Variants in HEATR4 observed in about 807,000 individuals in gnomAD.
HEATR4 encodes the protein HEAT repeat-containing protein 4.
Under a neutral mutation model 108.8 loss-of-function variants are expected in HEATR4, and 95 were observed. The ratio of observed to expected loss-of-function variants is 0.87; its 90% CI spans 0.74 to 1.04. HEATR4 has a LOEUF of 1.04. Among genes scored for constraint, HEATR4 ranks in the 50% least tolerant of loss-of-function variants. The pLI, the probability that HEATR4 is intolerant of heterozygous loss-of-function variation, is 0.00. For synonymous variants in HEATR4, 443 were observed against 459.4 expected (o/e 0.96, Z 0.46); for missense variants, 1,152 against 1,253.8 (o/e 0.92, Z 1.23).
At chr14:73,595,100 TG>T in the HEATR4 span, 1 of 1,614,168 alleles carries the variant, frequency 6.2e-7, no homozygotes, top group Non-Finnish European at 8.5e-7. Flanking sequence ...AGCTGATATT[TG>T]TCTCTCAATG....
At chr14:73,593,336 C>CTTTTTT in the HEATR4 span, among the ~76,000 whole-genome samples, 52 of 104,840 alleles carry the variant, frequency 5.0e-4, no homozygotes, top group East Asian at 1.1e-3. Context: ...TTCTTTCTTT[C>CTTTTTT]TTTTTTTTTT....
intron 17 of HEATR4, chr14:73,491,855 C>G (rs1322075686): frequency 6.2e-7 from 1 of 1,610,082 alleles, no homozygotes; most frequent in Non-Finnish European, 8.5e-7. Context: ...CCCACCCGGC[C>G]GCGCGCTGCC....
the HEATR4 span, among the ~76,000 whole-genome samples, chr14:73,614,959 TGGTGGTG>T: frequency 6.7e-6 from 1 of 148,388 alleles, no homozygotes; most frequent in African/African-American, 2.5e-5. Flanking sequence ...TAGCCGGGCA[TGGTGGTG>T]GGTGCCTGTA....
the HEATR4 span, among the ~76,000 whole-genome samples, chr14:73,578,229 A>G: frequency 1.0e-5 from 1 of 98,858 alleles, no homozygotes; most frequent in East Asian, 4.1e-4. Flanking sequence ...TTGACATTTC[A>G]TCTTTTTTTT....
intron 3 of HEATR4, among the ~76,000 whole-genome samples, chr14:73,521,572 A>G (rs542788163): frequency 4.6e-5 from 7 of 152,374 alleles, no homozygotes; most frequent in African/African-American, 1.7e-4. Context: ...ATGAATAAAT[A>G]AATGGATTTC....
the HEATR4 span, chr14:73,571,034 G>A: frequency 6.7e-6 from 1 of 148,474 alleles, no homozygotes; most frequent in Non-Finnish European, 1.5e-5. Flanking sequence ...TTCCATGGCA[G>A]CTAGGAGGTG....
chr14:73,525,571 A>G (rs148930107), intron 2 of HEATR4, among the ~76,000 whole-genome samples: 1 of 152,308 alleles, frequency 6.6e-6, no homozygotes, highest in East Asian at 1.9e-4. Flanking sequence ...GGCTGAAAAT[A>G]GAAAGGCTAG....
intron 2 of HEATR4, among the ~76,000 whole-genome samples, chr14:73,529,487 G>A (rs1456681592): frequency 6.6e-6 from 1 of 152,068 alleles, no homozygotes; most frequent in East Asian, 1.9e-4. Context: ...GGGTTGGAAG[G>A]GTTAGGCTAC....
At chr14:73,497,150 C>A (rs1219020035) in intron 14 of HEATR4, among the ~76,000 whole-genome samples, 1 of 152,078 alleles carries the variant, frequency 6.6e-6, no homozygotes, top group Non-Finnish European at 1.5e-5. Context: ...CCCGCCTTGG[C>A]CTCCCAAAGT....
intron 9 of HEATR4, among the ~76,000 whole-genome samples, chr14:73,506,814 T>TTTTTTTTTTTTTTTTTTTTC (rs1886881196): frequency 7.6e-6 from 1 of 132,390 alleles, no homozygotes; most frequent in Non-Finnish European, 1.5e-5. Flanking sequence ...GTTTTTTTTT[T>TTTTTTTTTTTTTTTTTTTTC]TTTTTTTTTT....
At chr14:73,592,312 G>C in the HEATR4 span, 1 of 1,610,924 alleles carries the variant, frequency 6.2e-7, no homozygotes, top group South Asian at 1.1e-5. Flanking sequence ...GAGCCTGGAC[G>C]GCTGCTGTGC....
the HEATR4 span, among the ~76,000 whole-genome samples, chr14:73,573,774 T>G: frequency 3.3e-5 from 5 of 151,858 alleles, no homozygotes; most frequent in African/African-American, 9.7e-5. Flanking sequence ...GTTGCCAGGC[T>G]GGAGTCCAGT....
Position 73,522,330 on chromosome 14 carries a change from C to T in HEATR4, c.823G>A (p.Val275Ile). The change falls in exon 3 of 18, where the codon GTC (valine) becomes ATC (isoleucine). Residue 275 changes from valine (V) to isoleucine (I), a missense_variant. Val to Ile is a conservative substitution (Grantham distance 29). Coordinates refer to ENST00000553558, the MANE Select transcript of HEATR4 (RefSeq NM_001220484.1). ...TTCTTTTCCTGTGGGGGCAGGATGA[C>T]ACTTTGATCCTCAAACTCTGCTGTC... ...EETAEFEDQSVILPPQEKKKP... is the reference protein window; with the variant it reads ...EETAEFEDQSIILPPQEKKKP... 6.2e-7 allele frequency: 1 copy of T among 1,614,198 alleles called. No individual in the cohort carries two copies. Among genetic ancestry groups the T allele is most frequent in the South Asian group, 1.1e-5 (1 of 91,090 alleles).
the HEATR4 span, among the ~76,000 whole-genome samples, chr14:73,578,596 C>T: frequency 2.0e-5 from 3 of 151,958 alleles, no homozygotes; most frequent in Non-Finnish European, 4.4e-5. Context: ...AAGCTGTGAA[C>T]GTGGTGAAAC....
At chr14:73,563,811 A>T (rs1483721545), upstream of HEATR4, among the ~76,000 whole-genome samples, 1 of 151,808 alleles carries the variant, frequency 6.6e-6, no homozygotes, top group Non-Finnish European at 1.5e-5. Flanking sequence ...ATAAAAAAAT[A>T]AATAAATAAA....
chr14:73,479,125 G>GT lies in HEATR4; in HGVS notation c.2845-284dup, dbSNP rs890253545. ...AGCTAATTTTTTTGTTTGTTTGTTT[G>GT]TTTTTTTTGAGACGGAGTCTCACAC... On this transcript the variant is annotated intron_variant, in intron 17 of 17. Transcript: ENST00000553558. 1.4e-3 allele frequency among the ~76,000 whole-genome samples: 206 copies of GT among 144,300 alleles called. 1 individual carries two copies. Among genetic ancestry groups the GT allele is most frequent in the Non-Finnish European group, 2.4e-3 (158 of 65,482 alleles). The allele number at this position is 144,300 out of a possible 152,430, so 94.7% of individuals were successfully genotyped here. A position where few individuals can be genotyped will look rare whatever the true frequency, so the allele number is the denominator to read the frequency against.
At chr14:73,612,652 C>A in the HEATR4 span, 1 of 1,407,520 alleles carries the variant, frequency 7.1e-7, no homozygotes, top group Admixed American at 3.0e-5. Flanking sequence ...GCGGCCTGGC[C>A]CCGGAGCAGC....
chr14:73,510,369 A>G (rs1315653844), intron 7 of HEATR4, among the ~76,000 whole-genome samples: 1 of 152,116 alleles, frequency 6.6e-6, no homozygotes, highest in Non-Finnish European at 1.5e-5. Flanking sequence ...AATATGGGAC[A>G]GGAGCATAGT....
chr14:73,573,510 G>C, the HEATR4 span: 25 of 1,613,638 alleles, frequency 1.5e-5, no homozygotes, highest in Non-Finnish European at 1.6e-5. Flanking sequence ...TTATAACTAT[G>C]AAGACCTCCC....
Sources: gnomAD v4.1 joint callset for allele counts (sites outside exome capture counted in the v4.1 genomes callset) on GRCh38, gnomAD v4.1.1 for gene constraint, MANE v1.5 for transcripts, NCBI Gene and HGNC (gene_info 2026-07-23, HGNC 2026-07-21) for gene names.